Variants in MITF observed in about 807,000 individuals in gnomAD.
MITF encodes the protein microphthalmia-associated transcription factor.
MITF carries 17 observed loss-of-function variants against 60.5 expected under a neutral mutation model. The observed-to-expected ratio is 0.28, with a 90% CI of 0.19 to 0.42. MITF has a LOEUF of 0.42. MITF is among the 10% of genes least tolerant of loss of function. The probability of loss-of-function intolerance (pLI) is 1.00; values close to 1 mark genes in which losing one functional copy is unlikely to be tolerated. For missense variants in MITF, 622 were observed against 683.5 expected, an observed-to-expected ratio of 0.91 and a Z score of 1.00; for synonymous variants, 260 against 248.5, an observed-to-expected ratio of 1.05 and a Z score of -0.43.
chr3:69,942,719 A>T (rs1478510187), intron 5 of MITF, among the ~76,000 whole-genome samples: 1 of 152,088 alleles, frequency 6.6e-6, no homozygotes, highest in Non-Finnish European at 1.5e-5. Context: ...CCTGCTTACA[A>T]GTTGTTGCAT....
chr3:69,938,427 G>A (rs944571008), intron 3 of MITF: 7 of 1,532,800 alleles, frequency 4.6e-6, no homozygotes, highest in East Asian at 2.4e-5. Flanking sequence ...AGAGGTGTGG[G>A]ACATGCTGTT....
chr3:69,958,713 T>A (rs1269209106), intron 8 of MITF, among the ~76,000 whole-genome samples: 1 of 152,220 alleles, frequency 6.6e-6, no homozygotes, highest in East Asian at 1.9e-4. Context: ...TTTAACATAG[T>A]GTTTAAGGAA....
At chr3:69,877,762 C>T (rs750376806) in intron 1 of MITF, among the ~76,000 whole-genome samples, 5 of 152,076 alleles carry the variant, frequency 3.3e-5, no homozygotes, top group African/African-American at 4.8e-5. Context: ...TTAAGGAGCT[C>T]ATGAGGATGG....
intron 1 of MITF, among the ~76,000 whole-genome samples, chr3:69,749,130 C>G (rs1703835606): frequency 6.6e-6 from 1 of 152,108 alleles, no homozygotes; most frequent in Admixed American, 6.5e-5. Context: ...TAACTCAGGA[C>G]CTAGCTCAAT....
At position 69,967,900 on chromosome 3, in the gene MITF, A is replaced by G. The variant is rs1377953222; in HGVS notation, c.*2652A>G. 1 of 233,354 alleles carries G rather than the reference A, an allele frequency of 4.3e-6. No individual in the cohort carries two copies. The highest frequency in any genetic ancestry group is 8.5e-6 in the Non-Finnish European group (1 of 117,964). The allele number at this position is 233,354 out of a possible 1,614,324, so 14.5% of individuals were successfully genotyped here. On this transcript the variant is annotated 3_prime_UTR_variant, in exon 10 of 10. Transcript: ENST00000352241. ...AGTGACCAAAATGCCAAAATTGTCC[A>G]TCTGCCTCTGAGTAGGGCAATGGAA...
chr3:69,860,607 A>AG (rs2063999157), intron 1 of MITF, among the ~76,000 whole-genome samples: 1 of 151,860 alleles, frequency 6.6e-6, no homozygotes, highest in African/African-American at 2.4e-5. Context: ...CAAAAAAAAA[A>AG]AAAAAAAAAA....
At chr3:69,835,015 C>CT (rs142347719) in intron 1 of MITF, among the ~76,000 whole-genome samples, 3,245 of 68,580 alleles carry the variant, frequency 0.047, 85 homozygotes, top group African/African-American at 0.1. Flanking sequence ...GCTCTTTTAC[C>CT]TTTTTTTTTT....
intron 1 of MITF, among the ~76,000 whole-genome samples, chr3:69,793,441 T>G (rs2062774662): frequency 8.9e-6 from 1 of 112,778 alleles, no homozygotes; most frequent in South Asian, 2.9e-4. Context: ...TTGGTGTGAG[T>G]AGCTGTGCTG....
intron 1 of MITF, among the ~76,000 whole-genome samples, chr3:69,764,431 AT>A (rs1358081618): frequency 6.6e-6 from 1 of 152,114 alleles, no homozygotes; most frequent in Non-Finnish European, 1.5e-5. Flanking sequence ...TCATTTTGCT[AT>A]TTTCTTGACT....
chr3:69,848,880 TATATG>T (rs2063775643), intron 1 of MITF, among the ~76,000 whole-genome samples: 1 of 152,034 alleles, frequency 6.6e-6, no homozygotes, highest in African/African-American at 2.4e-5. Context: ...GAGAATAAAT[TATATG>T]GTGTGAGTAT....
intron 1 of MITF, among the ~76,000 whole-genome samples, chr3:69,759,180 T>A (rs1395689605): frequency 1.3e-5 from 2 of 152,222 alleles, no homozygotes; most frequent in African/African-American, 4.8e-5. Context: ...AATACATAAC[T>A]TTGTTTTATG....
At chr3:69,875,592 T>C (rs1367512028) in intron 1 of MITF, among the ~76,000 whole-genome samples, 2 of 152,238 alleles carry the variant, frequency 1.3e-5, no homozygotes, top group East Asian at 1.9e-4. Context: ...TAAAATTAAA[T>C]ACATTTGGAC....
In MITF at chr3:69,827,615, G is replaced by A. The variant is rs1171990899; in HGVS notation, c.105-51519G>A. Among the ~76,000 whole-genome samples, 5 of 152,138 alleles carry A rather than the reference G, an allele frequency of 3.3e-5. 1 individual carries two copies. The highest frequency in any genetic ancestry group is 2.1e-4 in the South Asian group (1 of 4,828). On this transcript the variant is annotated intron_variant, in intron 1 of 9. Transcript: ENST00000352241. ...TATAAACCTCCCAGAGAGAGCAATC[G>A]GTAGGAAGGGACTTGGCACAGAGTC...
chr3:69,938,076 G>A, intron 3 of MITF, 27 bp downstream of exon 3: 1 of 1,598,606 alleles, frequency 6.3e-7, no homozygotes, highest in South Asian at 1.1e-5. Context: ...CTCCTCTCCT[G>A]TTTTCTTATG....
At chr3:69,829,685 C>CACAT in intron 1 of MITF, among the ~76,000 whole-genome samples, 1 of 109,230 alleles carries the variant, frequency 9.2e-6, no homozygotes, top group South Asian at 3.2e-4. Flanking sequence ...CACACACACA[C>CACAT]ACACACACAC....
chr3:69,857,338 A>G (rs918266297), intron 1 of MITF, among the ~76,000 whole-genome samples: 8 of 151,304 alleles, frequency 5.3e-5, no homozygotes, highest in African/African-American at 1.9e-4. Context: ...CAGGATACTC[A>G]TATCTCAATC....
intron 5 of MITF, among the ~76,000 whole-genome samples, chr3:69,946,765 G>A (rs2066106977): frequency 6.6e-6 from 1 of 152,164 alleles, no homozygotes; most frequent in Non-Finnish European, 1.5e-5. Flanking sequence ...TCAGTAGAGT[G>A]CCCAATGAGG....
At chr3:69,824,400 A>G (rs2063323235) in intron 1 of MITF, among the ~76,000 whole-genome samples, 1 of 152,076 alleles carries the variant, frequency 6.6e-6, no homozygotes, top group South Asian at 2.1e-4. Flanking sequence ...TGCTTCCTCT[A>G]GGTTCTATGA....
At chr3:69,905,275 T>TTTTGTG (rs1296406121) in intron 2 of MITF, among the ~76,000 whole-genome samples, 1 of 152,178 alleles carries the variant, frequency 6.6e-6, no homozygotes, top group Non-Finnish European at 1.5e-5. Flanking sequence ...TCAGCATAAT[T>TTTTGTG]AATTTGCAGT....
Sources: gnomAD v4.1 joint callset for allele counts (sites outside exome capture counted in the v4.1 genomes callset) on GRCh38, gnomAD v4.1.1 for gene constraint, MANE v1.5 for transcripts, NCBI Gene and HGNC (gene_info 2026-07-23, HGNC 2026-07-21) for gene names.